Variants in ZMYM3 observed in about 807,000 individuals in gnomAD.
The protein encoded by ZMYM3 is zinc finger MYM-type protein 3.
Under a neutral mutation model 94.2 loss-of-function variants are expected in ZMYM3, and 6 were observed. That is an observed-to-expected ratio of 0.06 (90% CI 0.03 to 0.13). The LOEUF (loss-of-function observed/expected upper bound fraction) is 0.13. ZMYM3 is among the 10% of genes least tolerant of loss of function. The pLI, the probability that ZMYM3 is intolerant of heterozygous loss-of-function variation, is 1.00. For synonymous variants in ZMYM3, 420 were observed against 426.5 expected, an observed-to-expected ratio of 0.98 and a Z score of 0.19; for missense variants, 664 against 1,132.6, an observed-to-expected ratio of 0.59 and a Z score of 5.94.
chrX:71,240,957 A>G lies in ZMYM3; in HGVS notation c.4072T>C (p.Tyr1358His). 2 of 1,211,499 alleles carry G rather than the reference A, an allele frequency of 1.7e-6. No homozygotes were observed. The highest frequency in any genetic ancestry group is 2.2e-6 in the Non-Finnish European group (2 of 895,452). The change falls in exon 25 of 25, where the codon TAT (tyrosine) becomes CAT (histidine). Residue 1358 changes from tyrosine to histidine, a missense_variant. Physicochemically the swap from Tyr to His is moderately conservative, Grantham distance 83. Transcript: ENST00000314425. ...TCCCCAGGACGACCCAGTTCCTCAT[A>G]AATCTCGCGCACAGCCAGGATGCGA... ...LNRILAVREI[Y>H]EELGRPGEED...
chrX:71,252,965 G>A lies in ZMYM3; in HGVS notation c.291C>T (p.His97=), dbSNP rs377082067. 36 of 1,209,853 alleles carry A rather than the reference G, an allele frequency of 3.0e-5. No individual in the cohort carries two copies. The African/African-American group carries it at 4.0e-4, about 13-fold the overall frequency. ...CCCATGCCAGGGTTCCCTCAGGACC[G>A]TGGTCCACCTCCGGGGGAGAGGGGG... is the stretch of plus-strand genomic sequence containing the variant. ...YKAPSPPEVD[H]GPEGTLAWDA... Residue 97 remains histidine (H), a synonymous_variant, in exon 2 of 25, where the codon CAC becomes CAT. Coordinates refer to ENST00000314425, the MANE Select transcript of ZMYM3 (RefSeq NM_201599.3).
At chrX:71,243,662 C>A in intron 21 of ZMYM3, 167 bp downstream of exon 21, 1 of 556,568 alleles carries the variant, frequency 1.8e-6, no homozygotes, top group Non-Finnish European at 2.7e-6. Flanking sequence ...CACTTTGTTG[C>A]CCAGGCTGGT....
At position 71,240,008 on chromosome X, in the gene ZMYM3, T is replaced by G. The variant is rs2029890038; in HGVS notation, c.*908A>C. 8.9e-6 allele frequency: 1 copy of G among 112,628 alleles called. No homozygotes were observed. Among genetic ancestry groups the G allele is most frequent in the African/African-American group, 3.2e-5 (1 of 30,899 alleles). The allele number at this position is 112,628 out of a possible 1,213,427, so 9.3% of individuals were successfully genotyped here. On this transcript the variant is annotated 3_prime_UTR_variant, in exon 25 of 25. Coordinates refer to ENST00000314425, the MANE Select transcript of ZMYM3 (RefSeq NM_201599.3). Reference sequence around the variant, plus strand: ...GACTCAAGGTCCCATAGGCTTGGCCTAGCTCTTATGATAGGGGAACAATAG... The same window carrying G: ...GACTCAAGGTCCCATAGGCTTGGCCGAGCTCTTATGATAGGGGAACAATAG...
At chrX:71,244,100 A>T in intron 20 of ZMYM3, 120 bp from the exon 21 acceptor site, 1 of 1,010,772 alleles carries the variant, frequency 9.9e-7, no homozygotes, top group Non-Finnish European at 1.3e-6. Flanking sequence ...GAACAATTAC[A>T]GAAAGAGCCC....
At chrX:71,245,127 TAAAAAAAAAA>T (rs5902685) in intron 18 of ZMYM3, among the ~76,000 whole-genome samples, 5 of 42,631 alleles carry the variant, frequency 1.2e-4, no homozygotes, top group African/African-American at 4.3e-4. Flanking sequence ...GCTTAAAAAT[TAAAAAAAAAA>T]AAAAAAAAAA....
At chrX:71,255,185 C>T (rs778431552), upstream of ZMYM3, 1 of 95,419 alleles carries the variant, frequency 1.0e-5, no homozygotes, top group Admixed American at 1.2e-4. Context: ...AGCCCCCTTT[C>T]TGTCCTTGTC....
intron 1 of ZMYM3, among the ~76,000 whole-genome samples, chrX:71,253,545 C>G (rs1281479794): frequency 1.2e-5 from 1 of 85,631 alleles, no homozygotes; most frequent in African/African-American, 4.3e-5. Context: ...CCCTACTCGA[C>G]TGCAACTCCC....
At position 71,246,716 on chromosome X, in the gene ZMYM3, C is replaced by T. The variant is rs1255345600; in HGVS notation, c.2315-24G>A. The T allele has an allele frequency of 2.5e-6, 3 of 1,184,769 alleles. No homozygotes were observed. In the Admixed American group the frequency reaches 6.7e-5, roughly 26 times the overall value. On this transcript the variant is annotated intron_variant, in intron 13 of 24. Coordinates refer to ENST00000314425, the MANE Select transcript of ZMYM3 (RefSeq NM_201599.3). ...ACCTGTAGATCAAAACAAATGAATGCTCTCATCCAAGGGACTAGCTCTCCA... is the reference window on the plus strand; with the variant it reads ...ACCTGTAGATCAAAACAAATGAATGTTCTCATCCAAGGGACTAGCTCTCCA...
rs749473479 is a variant in ZMYM3 at position 71,250,217 on chromosome X, C to T, written c.1074-14G>A. On this transcript the variant is annotated splice_polypyrimidine_tract_variant and intron_variant, in intron 5 of 24. Transcript: ENST00000314425. ...TTCCAGATCTCCCTAGAGGTGGGAA[C>T]AGGTTTGAATATTCACTCAAGACCA... The T allele has an allele frequency of 7.8e-6, 9 of 1,156,768 alleles. No individual in the cohort carries two copies. The South Asian group carries it at 1.7e-4, about 21-fold the overall frequency.
At chrX:71,244,738 TC>T in intron 19 of ZMYM3, 51 bp downstream of exon 19, 1 of 1,054,798 alleles carries the variant, frequency 9.5e-7, no homozygotes, top group Non-Finnish European at 1.3e-6. Context: ...TCGCATCATC[TC>T]CCCTTTGGGC....
intron 17 of ZMYM3, 62 bp downstream of exon 17, chrX:71,245,606 C>T: frequency 8.5e-7 from 1 of 1,176,039 alleles, no homozygotes; most frequent in Non-Finnish European, 1.1e-6. Flanking sequence ...CAATACCACC[C>T]CCTCGGGCAG....
chrX:71,255,090 CTCT>C (rs1569229909), upstream of ZMYM3: 10 of 18,807 alleles, frequency 5.3e-4, no homozygotes, highest in Non-Finnish European at 4.1e-4. Flanking sequence ...GCTGATCTCT[CTCT>C]CTCTCTCTCT....
At position 71,241,048 on chromosome X, in the gene ZMYM3, G is replaced by A. The variant is rs367666358; in HGVS notation, c.3981C>T (p.Ile1327=). ...CAGAATACCAGAGAGGTGACTCGGC[G>A]ATGCAGGACCGTTCAGGTTGCAGGT... ...VFYLQPERSC[I]AESPLWYSVI... Residue 1327 remains isoleucine (I), a synonymous_variant, in exon 25 of 25, where the codon ATC becomes ATT. Transcript: ENST00000314425. 15 of 1,209,179 alleles carry A rather than the reference G, an allele frequency of 1.2e-5. No homozygotes were observed. The highest frequency in any genetic ancestry group is 3.5e-5 in the African/African-American group (2 of 56,967).
Position 71,251,621 on chromosome X carries a change from C to A in ZMYM3, c.668-20G>T, listed in dbSNP as rs1222628861. On this transcript the variant is annotated intron_variant, in intron 2 of 24. Transcript: ENST00000314425. ...CATCTCCTGCAAAGGAAGCAGAAGG[C>A]AGCCTAAATGTTGAGCCTGCCCTCA... The A allele has an allele frequency of 8.5e-7, 1 of 1,179,955 alleles. No homozygotes were observed. Among genetic ancestry groups the A allele is most frequent in the Non-Finnish European group, 1.1e-6 (1 of 879,424 alleles).
At position 71,249,661 on chromosome X, in the gene ZMYM3, T is replaced by C; in HGVS notation, c.1270A>G (p.Asn424Asp). ...KTGEVLHEVS[N>D]GSVVHRLCSD... is the part of the protein sequence containing the mutation. ...CAGAGCCGGTGTACCACGCTGCCAT[T>C]GCTGACCTCGTGCAGGACCTGCCAC... The change falls in exon 7 of 25, where the codon AAT becomes GAT. Residue 424 changes from asparagine (N) to aspartate (D), a missense_variant. Around this residue, in one of 9 missense-constraint regions of ZMYM3, gnomAD observed 159 missense variants for 313.0 expected, o/e 0.51. Transcript: ENST00000314425. 1 of 1,211,108 alleles carries C rather than the reference T, an allele frequency of 8.3e-7. No homozygotes were observed. The highest frequency in any genetic ancestry group is 1.1e-6 in the Non-Finnish European group (1 of 895,309).
intron 21 of ZMYM3, 119 bp downstream of exon 21, chrX:71,243,710 C>T: frequency 1.0e-6 from 1 of 957,705 alleles, no homozygotes; most frequent in South Asian, 2.5e-5. Flanking sequence ...CCTGCCTCAG[C>T]CTCCCAAAGT....
At chrX:71,246,229 T>C in intron 15 of ZMYM3, 124 bp downstream of exon 15, 6 of 1,089,296 alleles carry the variant, frequency 5.5e-6, no homozygotes. Flanking sequence ...TCTATGATTC[T>C]AGGACAACCA....
chrX:71,252,610 G>T lies in ZMYM3; in HGVS notation c.646C>A (p.Pro216Thr). The T allele has an allele frequency of 1.8e-6, 2 of 1,139,625 alleles. No individual in the cohort carries two copies. The highest frequency in any genetic ancestry group is 1.2e-6 in the Non-Finnish European group (1 of 861,800). 93.9% of individuals were successfully genotyped at this position (1,139,625 alleles called of 1,213,427 possible). A position where few individuals can be genotyped will look rare whatever the true frequency, so the allele number is the denominator to read the frequency against. The change falls in exon 2 of 25, where the codon CCT becomes ACT. Residue 216 changes from proline (P) to threonine (T), a missense_variant. Coordinates refer to ENST00000314425, the MANE Select transcript of ZMYM3 (RefSeq NM_201599.3). ...CTACCTGGCAAGGAAGGATGTGCAG[G>T]GGGGCTAGAGCCCCCAGGTTTGGTC... ...SQTKPGGSSPPAHPSLPGDGL... is the reference protein window; with the variant it reads ...SQTKPGGSSPTAHPSLPGDGL...
rs1196569469 is a variant in ZMYM3, at chrX:71,249,020, A to C, written c.1620T>G (p.Thr540=). Residue 540 remains threonine, a splice_region_variant and synonymous_variant, in exon 8 of 25, where the codon ACT becomes ACG. Transcript: ENST00000314425. ...TSYKVKQAGL[T]GPPRPCSFCR... Reference sequence around the variant, plus strand: ...CAGAGAAGAGGGCTTTGCACCTACCAGTGAGCCCTGCCTGCTTCACTTTGT... The same window carrying C: ...CAGAGAAGAGGGCTTTGCACCTACCCGTGAGCCCTGCCTGCTTCACTTTGT... 1 of 1,211,631 alleles carries C rather than the reference A, an allele frequency of 8.3e-7. No homozygotes were observed. The highest frequency in any genetic ancestry group is 1.8e-5 in the South Asian group (1 of 56,974).
Sources: allele counts gnomAD v4.1 joint callset (sites outside exome capture counted in the v4.1 genomes callset), GRCh38; gene constraint gnomAD v4.1.1; regional missense constraint gnomAD v4.1.1; transcripts MANE v1.5; gene names NCBI Gene and HGNC (gene_info 2026-07-23, HGNC 2026-07-21).